Variants in PCDHGB6 observed in about 807,000 individuals in gnomAD.
PCDHGB6 encodes the protein protocadherin gamma subfamily B, 6, also known as protocadherin gamma-B6.
A neutral mutation model predicts 59.1 loss-of-function variants in PCDHGB6; 51 were observed. The observed-to-expected ratio is 0.86, with a 90% CI of 0.69 to 1.09. PCDHGB6 has a LOEUF of 1.09. Ranked by LOEUF, PCDHGB6 falls within the 50% of genes least tolerant of loss-of-function variation. The pLI, the probability that PCDHGB6 is intolerant of heterozygous loss-of-function variation, is 0.00. For missense variants in PCDHGB6, 1,148 were observed against 1,205.1 expected, an observed-to-expected ratio of 0.95 and a Z score of 0.70; for synonymous variants, 466 against 495.1, an observed-to-expected ratio of 0.94 and a Z score of 0.78.
At position 141,432,181 on chromosome 5, in the gene PCDHGB6, G is replaced by A. The variant is rs1443322706; in HGVS notation, c.2418+21561G>A. 3.7e-6 allele frequency: 6 copies of A among 1,614,116 alleles called. No homozygotes were observed. In the South Asian group the frequency reaches 6.6e-5, roughly 18 times the overall value. On this transcript the variant is annotated intron_variant, in intron 1 of 3. Coordinates refer to ENST00000520790, the MANE Select transcript of PCDHGB6 (RefSeq NM_018926.3). This position sits in a 1 kb window ranked among gnomAD's most constrained non-coding sequence, Gnocchi z 6.0. ...CCAGAGGAGTTTCCCTCGTCTCTGTGACCGCCCACGACCCCGACTGTGAAG... is the reference window on the plus strand; with the variant it reads ...CCAGAGGAGTTTCCCTCGTCTCTGTAACCGCCCACGACCCCGACTGTGAAG...
Position 141,485,286 on chromosome 5 carries a change from AG to A in PCDHGB6, c.2419-9520del. On this transcript the variant is annotated intron_variant, in intron 1 of 3. Coordinates refer to ENST00000520790, the MANE Select transcript of PCDHGB6 (RefSeq NM_018926.3). This position sits in a 1 kb window ranked among gnomAD's most constrained non-coding sequence, Gnocchi z 5.7. ...CAGATCCGCTACCCGGTCCCAGAGG[AG>A]TCACAGGAAGGGACTTTTGTAGGGA... The A allele has an allele frequency of 6.2e-7, 1 of 1,614,044 alleles. No homozygotes were observed. Among genetic ancestry groups the A allele is most frequent in the Non-Finnish European group, 8.5e-7 (1 of 1,179,928 alleles).
chr5:141,444,008 A>G (rs2098413646), intron 1 of PCDHGB6, among the ~76,000 whole-genome samples: 2 of 152,140 alleles, frequency 1.3e-5, no homozygotes, highest in Non-Finnish European at 2.9e-5. Context: ...CTACCTGGGT[A>G]TTGGCTTCTA....
At chr5:141,488,599 C>T (rs1017044328) in intron 1 of PCDHGB6, among the ~76,000 whole-genome samples, 1 of 152,152 alleles carries the variant, frequency 6.6e-6, no homozygotes, top group Non-Finnish European at 1.5e-5. Flanking sequence ...CAAGACTTTA[C>T]AAGGTTCTTA....
chr5:141,478,465 C>T (rs768021356), intron 1 of PCDHGB6: 6 of 1,613,730 alleles, frequency 3.7e-6, no homozygotes, highest in Non-Finnish European at 5.1e-6. Context: ...GTCCACTGGC[C>T]AGCCGCCAGA....
At chr5:141,437,652 A>T (rs899628392) in intron 1 of PCDHGB6, among the ~76,000 whole-genome samples, 1 of 152,196 alleles carries the variant, frequency 6.6e-6, no homozygotes, top group African/African-American at 2.4e-5. Context: ...AAGCAAACAC[A>T]TAGTTTCGAA....
Position 141,490,252 on chromosome 5 carries a change from G to A in PCDHGB6, c.2419-4555G>A, listed in dbSNP as rs150107963. The A allele has an allele frequency of 1.9e-6, 3 of 1,614,252 alleles. No homozygotes were observed. Among genetic ancestry groups the A allele is most frequent in the Non-Finnish European group, 1.7e-6 (2 of 1,180,046 alleles). The stretch of plus-strand genomic sequence containing the variant: ...CATGGAGGGCCACTGTGTGATTCAA[G>A]TGGATGTGGGGGATGTCAATGACAA... On this transcript the variant is annotated intron_variant, in intron 1 of 3. Coordinates refer to ENST00000520790, the MANE Select transcript of PCDHGB6 (RefSeq NM_018926.3). This position sits in a 1 kb window ranked among gnomAD's most constrained non-coding sequence, Gnocchi z 5.4.
chr5:141,433,837 C>CAA (rs56191208), intron 1 of PCDHGB6, among the ~76,000 whole-genome samples: 9,379 of 111,452 alleles, frequency 0.084, 424 homozygotes, highest in African/African-American at 0.14. Flanking sequence ...AACTCTATCT[C>CAA]AAAAAAAAAA....
rs371350905 is a variant in PCDHGB6 at position 141,476,860 on chromosome 5, G to A, written c.2419-17947G>A. The A allele has an allele frequency of 6.7e-5, 108 of 1,613,762 alleles. No individual in the cohort carries two copies. The highest frequency in any genetic ancestry group is 1.6e-4 in the East Asian group (7 of 44,884). ...ATGCGCCTGTCTTCAACCAGTCCTT[G>A]TACCGGGCGCGCGTCCTGGAGGATG... is the stretch of plus-strand genomic sequence containing the variant. On this transcript the variant is annotated intron_variant, in intron 1 of 3. Transcript: ENST00000520790. This position sits in a 1 kb window ranked among gnomAD's most constrained non-coding sequence, Gnocchi z 7.6.
chr5:141,447,851 C>T (rs961725006), intron 1 of PCDHGB6, among the ~76,000 whole-genome samples: 1 of 151,980 alleles, frequency 6.6e-6, no homozygotes, highest in East Asian at 1.9e-4. Flanking sequence ...TTTGGGAGGC[C>T]GAGGTGGGTG....
At chr5:141,469,438 G>T (rs2099201339) in intron 1 of PCDHGB6, among the ~76,000 whole-genome samples, 1 of 152,112 alleles carries the variant, frequency 6.6e-6, no homozygotes, top group African/African-American at 2.4e-5. Flanking sequence ...AGCTGGGCGT[G>T]GTGGTGCACA....
At chr5:141,422,618 A>G in intron 1 of PCDHGB6, 3 of 1,613,682 alleles carry the variant, frequency 1.9e-6, no homozygotes, top group Non-Finnish European at 2.5e-6. Flanking sequence ...TACATTCCCG[A>G]AAACAACCCC....
intron 1 of PCDHGB6, among the ~76,000 whole-genome samples, chr5:141,479,977 A>G (rs145953890): frequency 0.015 from 2,300 of 152,320 alleles, 30 homozygotes; most frequent in Non-Finnish European, 0.024. Context: ...AGGTTCTACC[A>G]TTTACCAACT....
Position 141,485,261 on chromosome 5 carries a change from C to G in PCDHGB6, c.2419-9546C>G, listed in dbSNP as rs759268725. 1 of 1,614,076 alleles carries G rather than the reference C, an allele frequency of 6.2e-7. No homozygotes were observed. The highest frequency in any genetic ancestry group is 8.5e-7 in the Non-Finnish European group (1 of 1,179,904). On this transcript the variant is annotated intron_variant, in intron 1 of 3. Transcript: ENST00000520790. This position sits in a 1 kb window ranked among gnomAD's most constrained non-coding sequence, Gnocchi z 5.7. The stretch of plus-strand genomic sequence containing the variant: ...TTACCACCTGGGTTACGTTTGTGGG[C>G]AGATCCGCTACCCGGTCCCAGAGGA...
At chr5:141,430,986 C>G (rs549700048) in intron 1 of PCDHGB6, 1 of 1,613,762 alleles carries the variant, frequency 6.2e-7, no homozygotes, top group African/African-American at 1.3e-5. Context: ...CAGCTTTTCG[C>G]CCTGAATCCG....
rs748017565 is a variant in PCDHGB6 at position 141,477,404 on chromosome 5, C to G, written c.2419-17403C>G. ...AGAATACAACCTCAGCATCACCGCCCGAGACGCCGGAACCCCTTCCCTCTC... is the reference window on the plus strand; with the variant it reads ...AGAATACAACCTCAGCATCACCGCCGGAGACGCCGGAACCCCTTCCCTCTC... On this transcript the variant is annotated intron_variant, in intron 1 of 3. Coordinates refer to ENST00000520790, the MANE Select transcript of PCDHGB6 (RefSeq NM_018926.3). The surrounding 1 kb of genome is among the most constrained non-coding windows in gnomAD (Gnocchi z 4.9). The G allele has an allele frequency of 1.9e-6, 3 of 1,614,042 alleles. No homozygotes were observed. Among genetic ancestry groups the G allele is most frequent in the African/African-American group, 1.3e-5 (1 of 74,902 alleles).
chr5:141,498,656 G>A (rs2154592341), intron 2 of PCDHGB6, among the ~76,000 whole-genome samples: 1 of 152,336 alleles, frequency 6.6e-6, no homozygotes, highest in Non-Finnish European at 1.5e-5. Context: ...ACCTGGCCAG[G>A]TGTGGTGGCT....
intron 1 of PCDHGB6, among the ~76,000 whole-genome samples, chr5:141,468,246 A>G (rs2099161183): frequency 6.7e-6 from 1 of 149,754 alleles, no homozygotes; most frequent in South Asian, 2.1e-4. Context: ...AATTGCCTGA[A>G]CCTGGGAGGC....
chr5:141,410,789 A>G (rs1264282350), intron 1 of PCDHGB6, 169 bp downstream of exon 1: 13 of 794,352 alleles, frequency 1.6e-5, no homozygotes, highest in Non-Finnish European at 2.4e-5. Flanking sequence ...TATTTGGTTC[A>G]TAAGTTGCTC....
chr5:141,502,308 C>T (rs928137926), intron 2 of PCDHGB6, among the ~76,000 whole-genome samples: 2 of 151,586 alleles, frequency 1.3e-5, no homozygotes, highest in Non-Finnish European at 2.9e-5. Flanking sequence ...CTTTCCTCTC[C>T]TTTAATCTGG....
Sources: gnomAD v4.1 joint callset for allele counts (sites outside exome capture counted in the v4.1 genomes callset) on GRCh38, gnomAD v4.1.1 for gene constraint, Gnocchi (gnomAD v3.1) non-coding constraint, MANE v1.5 for transcripts, NCBI Gene and HGNC (gene_info 2026-07-23, HGNC 2026-07-21) for gene names.